OXR1: variants seen among roughly 807,000 people sequenced by gnomAD.
OXR1 encodes oxidation resistance protein 1.
A neutral mutation model predicts 104.6 loss-of-function variants in OXR1; 41 were observed. That is an observed-to-expected ratio of 0.39 (90% CI 0.31 to 0.51). The LOEUF (loss-of-function observed/expected upper bound fraction) is 0.51. OXR1 is among the 20% of genes least tolerant of loss of function. The pLI is 0.77. For synonymous variants in OXR1, 348 were observed against 348.4 expected (o/e 1.00, Z 0.01); for missense variants, 955 against 1,031.9 (o/e 0.93, Z 1.02).
chr8:106,463,072 C>T (rs1356905417), intron 2 of OXR1, among the ~76,000 whole-genome samples: 1 of 152,044 alleles, frequency 6.6e-6, no homozygotes, highest in African/African-American at 2.4e-5. Context: ...AAGTCACCTC[C>T]ACTCTTTTGA....
At chr8:106,738,095 TACAGTTTAGAC>T (rs1176390285) in intron 12 of OXR1, among the ~76,000 whole-genome samples, 1 of 152,186 alleles carries the variant, frequency 6.6e-6, no homozygotes, top group Non-Finnish European at 1.5e-5. Flanking sequence ...ATTGGAATAG[TACAGTTTAGAC>T]ACAGAACTGG....
chr8:106,750,883 C>T lies in OXR1; in HGVS notation c.2564C>T (p.Thr855Ile). ...SHSCKTFGNR[T>I]LSKKEDFFIQ... ...TCTTGTAAAACGTTTGGGAATCGTA[C>T]ACTTTCTAAGAAGGAAGATTTCTTT... The change falls in exon 17 of 17, where the codon ACA (threonine) becomes ATA (isoleucine). Residue 855 changes from threonine to isoleucine, a missense_variant. Thr to Ile is a moderately conservative substitution (Grantham distance 89). Around this residue, in one of 2 missense-constraint regions of OXR1, gnomAD observed 106 missense variants for 179.0 expected, o/e 0.59. Coordinates refer to ENST00000517566, the MANE Select transcript of OXR1 (RefSeq NM_001198533.2). 1 of 1,606,802 alleles carries T rather than the reference C, an allele frequency of 6.2e-7. No individual in the cohort carries two copies. The highest frequency in any genetic ancestry group is 8.5e-7 in the Non-Finnish European group (1 of 1,174,614).
rs192437472 is a variant in OXR1, at chr8:106,456,571, A to G, written c.24-62372A>G. ...TCAATGTAATTTGAAGAAGAAACAA[A>G]TGGAATCTATCTTGATGAGCAACTA... On this transcript the variant is annotated intron_variant, in intron 2 of 16. Transcript: ENST00000517566. Among the ~76,000 whole-genome samples the G allele has an allele frequency of 9.2e-5, 14 of 152,302 alleles. No individual in the cohort carries two copies. The East Asian group carries it at 2.5e-3, about 27-fold the overall frequency.
chr8:106,591,929 G>C (rs529524738), intron 3 of OXR1, among the ~76,000 whole-genome samples: 1 of 152,196 alleles, frequency 6.6e-6, no homozygotes, highest in Non-Finnish European at 1.5e-5. Flanking sequence ...GACACCTGGC[G>C]TGAGAGCTGC....
intron 3 of OXR1, among the ~76,000 whole-genome samples, chr8:106,596,104 A>T (rs550847506): frequency 9.9e-5 from 15 of 152,164 alleles, no homozygotes; most frequent in African/African-American, 3.1e-4. Flanking sequence ...TTGAGCACCT[A>T]CTAATACCAA....
chr8:106,505,607 A>T (rs949249263), intron 2 of OXR1, among the ~76,000 whole-genome samples: 4 of 152,218 alleles, frequency 2.6e-5, no homozygotes, highest in African/African-American at 9.6e-5. Context: ...CAACCTACTT[A>T]AAATTGTAGG....
intron 2 of OXR1, among the ~76,000 whole-genome samples, chr8:106,516,078 A>G (rs1586746173): frequency 1.3e-5 from 2 of 151,126 alleles, no homozygotes; most frequent in Admixed American, 6.6e-5. Flanking sequence ...CCAGCTTCTC[A>G]CTCCCTCTTT....
intron 11 of OXR1, among the ~76,000 whole-genome samples, chr8:106,718,944 CCTTT>C (rs1832573072): frequency 6.6e-6 from 1 of 151,766 alleles, no homozygotes; most frequent in African/African-American, 2.4e-5. Context: ...ATTAAGGAAA[CCTTT>C]CTTCATAGTG....
intron 2 of OXR1, among the ~76,000 whole-genome samples, chr8:106,406,449 A>G (rs962537631): frequency 1.3e-5 from 2 of 152,192 alleles, no homozygotes; most frequent in East Asian, 1.9e-4. Flanking sequence ...TGCCAAAACT[A>G]TGTCCTTTCA....
At chr8:106,480,786 T>C (rs914762560) in intron 2 of OXR1, among the ~76,000 whole-genome samples, 1 of 151,918 alleles carries the variant, frequency 6.6e-6, no homozygotes, top group African/African-American at 2.4e-5. Context: ...AAATAAAAAA[T>C]ACCTGCCTTG....
At chr8:106,304,021 A>G (rs1813374469) in intron 1 of OXR1, among the ~76,000 whole-genome samples, 1 of 152,182 alleles carries the variant, frequency 6.6e-6, no homozygotes, top group African/African-American at 2.4e-5. Flanking sequence ...TTTCACAGGA[A>G]AATTCATTCA....
At chr8:106,479,296 G>C (rs1821977109) in intron 2 of OXR1, among the ~76,000 whole-genome samples, 1 of 151,948 alleles carries the variant, frequency 6.6e-6, no homozygotes, top group Admixed American at 6.6e-5. Context: ...ACCTAATGCT[G>C]TTAATAATTA....
intron 10 of OXR1, among the ~76,000 whole-genome samples, chr8:106,712,405 T>C (rs1831789021): frequency 6.6e-6 from 1 of 152,052 alleles, no homozygotes; most frequent in Non-Finnish European, 1.5e-5. Flanking sequence ...CCATTGTAAA[T>C]TCTGAGTAGG....
At chr8:106,487,556 G>T (rs921866626) in intron 2 of OXR1, among the ~76,000 whole-genome samples, 1 of 151,178 alleles carries the variant, frequency 6.6e-6, no homozygotes, top group Non-Finnish European at 1.5e-5. Context: ...TATATCTCCC[G>T]ATGCTATCCC....
chr8:106,657,861 G>T (rs919205106), intron 3 of OXR1: 30 of 1,240,906 alleles, frequency 2.4e-5, no homozygotes, highest in Non-Finnish European at 2.6e-5. Flanking sequence ...CCCGCCTCTT[G>T]TGAGGCGCGC....
rs537421976 is a variant in OXR1 at position 106,686,998 on chromosome 8, T to C, written c.525+2639T>C. 4.0e-4 allele frequency among the ~76,000 whole-genome samples: 61 copies of C among 152,310 alleles called. 2 individuals carry two copies. In the South Asian group the frequency reaches 0.011, roughly 28 times the overall value. Reference sequence around the variant, plus strand: ...CTTTAAAAGTATTATTTATTTCTTATCTCAAATTTATGAGGTAGGCACTTG... The same window carrying C: ...CTTTAAAAGTATTATTTATTTCTTACCTCAAATTTATGAGGTAGGCACTTG... On this transcript the variant is annotated intron_variant, in intron 6 of 16. Transcript: ENST00000517566.
In OXR1 at chr8:106,702,773, G is replaced by C. The variant is rs546951950; in HGVS notation, c.676-133G>C. ...TGGGTTTTAATAAAAATGGTTTCAT[G>C]AGAATGCCACAGTTCCTGAGTGTAC... On this transcript the variant is annotated intron_variant, in intron 7 of 16. Coordinates refer to ENST00000517566, the MANE Select transcript of OXR1 (RefSeq NM_001198533.2). 4.8e-6 allele frequency: 3 copies of C among 624,918 alleles called. No individual in the cohort carries two copies. In the South Asian group the frequency reaches 1.1e-4, roughly 23 times the overall value. 38.7% of individuals were successfully genotyped at this position (624,918 alleles called of 1,614,324 possible). A position where few individuals can be genotyped will look rare whatever the true frequency, so the allele number is the denominator to read the frequency against.
chr8:106,385,555 C>T (rs949573299), intron 2 of OXR1, among the ~76,000 whole-genome samples: 2 of 152,118 alleles, frequency 1.3e-5, no homozygotes, highest in African/African-American at 4.8e-5. Context: ...ACTTTACACC[C>T]CACCAACCTG....
At chr8:106,291,573 TG>T (rs1466440708) in intron 1 of OXR1, among the ~76,000 whole-genome samples, 1 of 152,326 alleles carries the variant, frequency 6.6e-6, no homozygotes, top group East Asian at 1.9e-4. Context: ...CTGTTACCAG[TG>T]GTCAATCACA....
Sources: gnomAD v4.1 joint callset for allele counts (sites outside exome capture counted in the v4.1 genomes callset) on GRCh38, gnomAD v4.1.1 for gene constraint, gnomAD v4.1.1 regional missense constraint, MANE v1.5 for transcripts, NCBI Gene and HGNC (gene_info 2026-07-23, HGNC 2026-07-21) for gene names.